Variants in ELOVL7 observed in about 807,000 individuals in gnomAD.
The protein encoded by ELOVL7 is ELOVL fatty acid elongase 7.
In ELOVL7, 27 loss-of-function variants were observed where a neutral mutation model predicts 35.7. The ratio of observed to expected loss-of-function variants is 0.76; its 90% CI spans 0.56 to 1.04. The LOEUF is 1.04. Among genes scored for constraint, ELOVL7 ranks in the 50% least tolerant of loss-of-function variants. The pLI is 0.00. For missense variants in ELOVL7, 327 were observed against 340.8 expected, an observed-to-expected ratio of 0.96 and a Z score of 0.32; for synonymous variants, 113 against 114.6, an observed-to-expected ratio of 0.99 and a Z score of 0.09.
chr5:60,842,205 C>A (rs993706676), intron 1 of ELOVL7, among the ~76,000 whole-genome samples: 2 of 151,654 alleles, frequency 1.3e-5, no homozygotes, highest in Admixed American at 6.6e-5. Flanking sequence ...TGGGAGTGGG[C>A]GAGACTGATA....
At chr5:60,798,775 C>T (rs1579865318) in intron 2 of ELOVL7, among the ~76,000 whole-genome samples, 1 of 152,188 alleles carries the variant, frequency 6.6e-6, no homozygotes, top group Non-Finnish European at 1.5e-5. Context: ...CTTTAATGTC[C>T]TACTTTCAAC....
intron 3 of ELOVL7, among the ~76,000 whole-genome samples, 166 bp from the exon 4 acceptor site, chr5:60,772,259 AG>A (rs1387514193): frequency 6.6e-6 from 1 of 152,168 alleles, no homozygotes; most frequent in Non-Finnish European, 1.5e-5. Flanking sequence ...AACAGGAATA[AG>A]GAAGTATCCT....
rs1741339361 is a variant in ELOVL7 at position 60,752,798 on chromosome 5, C to T, written c.*1826G>A. The T allele has an allele frequency of 6.6e-6, 1 of 152,052 alleles. No individual in the cohort carries two copies. The allele number at this position is 152,052 out of a possible 1,614,324, so 9.4% of individuals were successfully genotyped here. A position where few individuals can be genotyped will look rare whatever the true frequency, so the allele number is the denominator to read the frequency against. ...TCTCTACTAAAAATACAAAAATTAG[C>T]TGAGCATGGTGGCGGGCACCTGTAA... On this transcript the variant is annotated 3_prime_UTR_variant, in exon 9 of 9. Coordinates refer to ENST00000508821, the MANE Select transcript of ELOVL7 (RefSeq NM_024930.3).
At chr5:60,821,440 C>T (rs1268919442) in intron 1 of ELOVL7, among the ~76,000 whole-genome samples, 1 of 152,228 alleles carries the variant, frequency 6.6e-6, no homozygotes, top group Non-Finnish European at 1.5e-5. Flanking sequence ...TCCTCCAACT[C>T]AGCAAGCCCA....
intron 1 of ELOVL7, among the ~76,000 whole-genome samples, chr5:60,818,842 C>A (rs1012215812): frequency 6.6e-6 from 1 of 150,800 alleles, no homozygotes; most frequent in Non-Finnish European, 1.5e-5. Context: ...CCCGTCTCTA[C>A]TAAAAATACA....
rs1741447402 is a variant in ELOVL7 at position 60,754,937 on chromosome 5, G to A, written c.637-104C>T. 4 of 876,300 alleles carry A rather than the reference G, an allele frequency of 4.6e-6. No individual in the cohort carries two copies. In the East Asian group the frequency reaches 1.1e-4, roughly 23 times the overall value. The allele number at this position is 876,300 out of a possible 1,614,324, so 54.3% of individuals were successfully genotyped here. A position where few individuals can be genotyped will look rare whatever the true frequency, so the allele number is the denominator to read the frequency against. ...CCCAAAGTGCAGGGAGTGCACTATT[G>A]GGCAAAGAAGTCCATCTTTAAATCT... On this transcript the variant is annotated intron_variant, in intron 8 of 8. Transcript: ENST00000508821.
intron 1 of ELOVL7, among the ~76,000 whole-genome samples, chr5:60,840,998 C>T (rs1415154657): frequency 6.9e-6 from 1 of 144,636 alleles, no homozygotes; most frequent in African/African-American, 2.5e-5. Flanking sequence ...ATGGAAAACA[C>T]AGAATACTAA....
At chr5:60,772,136 G>A in intron 3 of ELOVL7, 43 bp from the exon 4 acceptor site, 1 of 1,370,440 alleles carries the variant, frequency 7.3e-7, no homozygotes, top group Non-Finnish European at 9.9e-7. Context: ...GCTTAGCCAA[G>A]GGGTAACTAA....
intron 2 of ELOVL7, among the ~76,000 whole-genome samples, chr5:60,797,068 CTGCTGGAATTGTCACTTATTATA>C (rs1380962375): frequency 6.6e-6 from 1 of 152,190 alleles, no homozygotes; most frequent in Non-Finnish European, 1.5e-5. Context: ...AATAGTTTAT[CTGCTGGAATTGTCACTTATTATA>C]ACTCCAATTA....
chr5:60,838,841 T>C (rs1408620959), intron 1 of ELOVL7, among the ~76,000 whole-genome samples: 1 of 150,462 alleles, frequency 6.6e-6, no homozygotes, highest in African/African-American at 2.5e-5. Context: ...CTGGCCAACA[T>C]AGTGAAACCC....
chr5:60,811,816 T>C (rs1388178807), intron 1 of ELOVL7, among the ~76,000 whole-genome samples: 1 of 152,194 alleles, frequency 6.6e-6, no homozygotes, highest in African/African-American at 2.4e-5. Flanking sequence ...GAAATAATTT[T>C]TTTCTTATAC....
At chr5:60,806,013 G>A (rs1051758949) in intron 1 of ELOVL7, among the ~76,000 whole-genome samples, 4 of 152,306 alleles carry the variant, frequency 2.6e-5, no homozygotes, top group Non-Finnish European at 5.9e-5. Context: ...CTTATTTGGA[G>A]AAAGAGTCTT....
chr5:60,781,212 GA>G (rs34249182), intron 3 of ELOVL7, among the ~76,000 whole-genome samples: 4,333 of 124,458 alleles, frequency 0.035, 164 homozygotes, highest in African/African-American at 0.099. Context: ...CCCTGTCTCA[GA>G]AAAAAAAAAA....
intron 1 of ELOVL7, among the ~76,000 whole-genome samples, chr5:60,804,072 A>G (rs1357050312): frequency 6.6e-6 from 1 of 152,248 alleles, no homozygotes; most frequent in Non-Finnish European, 1.5e-5. Context: ...AGAGGCAAAC[A>G]AACTAGATGT....
chr5:60,792,941 A>C (rs764742836), intron 2 of ELOVL7, among the ~76,000 whole-genome samples: 1 of 152,198 alleles, frequency 6.6e-6, no homozygotes, highest in Non-Finnish European at 1.5e-5. Flanking sequence ...TCCCTGCCTC[A>C]TCCGAGGTCT....
chr5:60,838,462 A>G (rs146068615), intron 1 of ELOVL7, among the ~76,000 whole-genome samples: 19 of 152,270 alleles, frequency 1.2e-4, no homozygotes, highest in African/African-American at 4.3e-4. Context: ...TATAACTCAC[A>G]TGGACCTGGA....
intron 1 of ELOVL7, among the ~76,000 whole-genome samples, chr5:60,800,479 A>G (rs1331575098): frequency 1.3e-5 from 2 of 152,246 alleles, no homozygotes; most frequent in Admixed American, 6.5e-5. Context: ...AGAAACCTCA[A>G]AACAATGAAG....
intron 1 of ELOVL7, among the ~76,000 whole-genome samples, chr5:60,808,330 T>C (rs147410148): frequency 0.014 from 2,083 of 152,300 alleles, 28 homozygotes; most frequent in South Asian, 0.041. Flanking sequence ...ACTGACTTTA[T>C]AGACAGACTG....
intron 8 of ELOVL7, 123 bp from the exon 9 acceptor site, chr5:60,754,956 T>A: frequency 1.3e-6 from 1 of 747,516 alleles, no homozygotes; most frequent in Non-Finnish European, 2.2e-6. Context: ...AGTCCATCTT[T>A]AAATCTAGCC....
Sources: allele counts gnomAD v4.1 joint callset (sites outside exome capture counted in the v4.1 genomes callset), GRCh38; gene constraint gnomAD v4.1.1; transcripts MANE v1.5; gene names NCBI Gene and HGNC (gene_info 2026-07-23, HGNC 2026-07-21).